PSMD1: variants seen among roughly 807,000 people sequenced by gnomAD.
The protein encoded by PSMD1 is 26S proteasome non-ATPase regulatory subunit 1.
A neutral mutation model predicts 119.0 loss-of-function variants in PSMD1; 18 were observed. The ratio of observed to expected loss-of-function variants is 0.15; its 90% CI spans 0.10 to 0.22. The LOEUF (loss-of-function observed/expected upper bound fraction) is 0.22. Among genes scored for constraint, PSMD1 ranks in the 10% least tolerant of loss-of-function variants. PSMD1 has a pLI of 1.00. For missense variants in PSMD1, 702 were observed against 1,158.5 expected (o/e 0.61, Z 5.72); for synonymous variants, 374 against 396.6 (o/e 0.94, Z 0.68).
intron 16 of PSMD1, chr2:231,109,195 A>G (rs754159866): frequency 4.3e-5 from 69 of 1,614,078 alleles, no homozygotes; most frequent in Middle Eastern, 3.3e-4. Flanking sequence ...TTAGGCGTTG[A>G]GGTGGCTTGT....
intron 7 of PSMD1, among the ~76,000 whole-genome samples, chr2:231,072,673 A>G (rs1189282439): frequency 6.6e-6 from 1 of 152,140 alleles, no homozygotes; most frequent in Non-Finnish European, 1.5e-5. Flanking sequence ...CATGTGTACT[A>G]TTTAATCAAG....
At chr2:231,130,714 G>A (rs990487614) in intron 16 of PSMD1, among the ~76,000 whole-genome samples, 3 of 152,148 alleles carry the variant, frequency 2.0e-5, no homozygotes, top group Non-Finnish European at 2.9e-5. Context: ...CTCCTGCCTC[G>A]ACTTCCCAGA....
At chr2:231,096,557 G>A (rs1262554582) in intron 16 of PSMD1, among the ~76,000 whole-genome samples, 2 of 152,196 alleles carry the variant, frequency 1.3e-5, no homozygotes, top group Admixed American at 6.5e-5. Context: ...GGGGAACCAC[G>A]GGTTATGGGA....
intron 16 of PSMD1, chr2:231,108,252 A>G (rs1274105941): frequency 2.6e-5 from 9 of 344,926 alleles, no homozygotes; most frequent in Admixed American, 4.5e-5. Context: ...CCTGAAATTT[A>G]TTGATTTGAC....
intron 16 of PSMD1, among the ~76,000 whole-genome samples, chr2:231,091,042 A>C (rs193012484): frequency 6.6e-6 from 1 of 152,174 alleles, no homozygotes; most frequent in Admixed American, 6.5e-5. Flanking sequence ...TAGATGAAAG[A>C]AGTTCTCAGA....
chr2:231,120,733 AC>A (rs1267576884), intron 16 of PSMD1, among the ~76,000 whole-genome samples: 1 of 152,184 alleles, frequency 6.6e-6, no homozygotes, highest in African/African-American at 2.4e-5. Context: ...TTTTTGTGTT[AC>A]TTTCATTGAA....
intron 16 of PSMD1, among the ~76,000 whole-genome samples, chr2:231,135,676 G>T (rs1345175650): frequency 2.6e-5 from 4 of 152,232 alleles, no homozygotes; most frequent in Middle Eastern, 3.4e-3. Flanking sequence ...GAAAACCCAA[G>T]TGATTTGTCT....
intron 19 of PSMD1, among the ~76,000 whole-genome samples, chr2:231,157,579 T>C (rs1696539712): frequency 6.9e-6 from 1 of 144,686 alleles, no homozygotes; most frequent in Non-Finnish European, 1.5e-5. Context: ...ATAAAAGTTC[T>C]TTTTTTTGGG....
intron 16 of PSMD1, among the ~76,000 whole-genome samples, chr2:231,099,243 G>T (rs548368466): frequency 7.2e-5 from 11 of 152,126 alleles, no homozygotes; most frequent in Non-Finnish European, 1.5e-4. Flanking sequence ...ACCAGATTGG[G>T]TTCTTCCCTA....
chr2:231,166,785 C>T (rs1696796544), intron 23 of PSMD1, among the ~76,000 whole-genome samples: 1 of 152,126 alleles, frequency 6.6e-6, no homozygotes, highest in African/African-American at 2.4e-5. Flanking sequence ...CAAGAGTAAA[C>T]TTATTCTTAT....
rs1193290695 is a variant in PSMD1, at chr2:231,098,126, C to T, written c.1883+10945C>T. On this transcript the variant is annotated intron_variant, in intron 16 of 24. Coordinates refer to ENST00000308696, the MANE Select transcript of PSMD1 (RefSeq NM_002807.4). The stretch of plus-strand genomic sequence containing the variant: ...GGACTGCTTTCTTCTGCTAGCAAAG[C>T]AGTTGCCACTACAGATTAAATGCAT... Among the ~76,000 whole-genome samples the T allele has an allele frequency of 2.0e-5, 3 of 152,228 alleles. No individual in the cohort carries two copies. In the East Asian group the frequency reaches 5.8e-4, roughly 29 times the overall value.
chr2:231,078,575 A>C, intron 9 of PSMD1, 84 bp from the exon 10 acceptor site: 2 of 913,236 alleles, frequency 2.2e-6, no homozygotes, highest in South Asian at 2.1e-5. Context: ...TTACCACAAA[A>C]TAGGACCTCT....
rs80139904 is a variant in PSMD1, at chr2:231,070,215, G to A, written c.654+47G>A. 2.7e-3 allele frequency: 3,607 copies of A among 1,359,404 alleles called. 80 individuals are homozygous for A. The African/African-American group carries it at 0.048, about 18-fold the overall frequency. 84.2% of individuals were successfully genotyped at this position (1,359,404 alleles called of 1,614,324 possible). ...TCATTACATTGCTCCACGCTGTACT[G>A]TGCTATGCTATACCACTTCACATTT... On this transcript the variant is annotated intron_variant, in intron 6 of 24. Transcript: ENST00000308696.
intron 8 of PSMD1, among the ~76,000 whole-genome samples, chr2:231,075,961 C>G (rs977444165): frequency 6.6e-6 from 1 of 152,084 alleles, no homozygotes; most frequent in Non-Finnish European, 1.5e-5. Flanking sequence ...TAAATTCTTT[C>G]AAGTATATAT....
At chr2:231,105,945 G>A (rs1301925800) in intron 16 of PSMD1, among the ~76,000 whole-genome samples, 46 of 126,934 alleles carry the variant, frequency 3.6e-4, no homozygotes, top group South Asian at 2.6e-4. Flanking sequence ...CTTACTTTTT[G>A]TCATTTTCAT....
rs1218723969 is a variant in PSMD1 at position 231,080,081 on chromosome 2, A to G, written c.1240-60A>G. On this transcript the variant is annotated intron_variant, in intron 11 of 24. Transcript: ENST00000308696. ...GGAAAAGGCAGTAATCATAGAAAAC[A>G]TTGTCTTTTTTCTTCTTACTTTCTC... The G allele has an allele frequency of 4.8e-6, 7 of 1,455,010 alleles. No homozygotes were observed. In the South Asian group the frequency reaches 5.3e-5, roughly 11 times the overall value. The allele number at this position is 1,455,010 out of a possible 1,614,324, so 90.1% of individuals were successfully genotyped here. A position where few individuals can be genotyped will look rare whatever the true frequency, so the allele number is the denominator to read the frequency against.
chr2:231,109,235 G>A (rs1326459974), intron 16 of PSMD1: 1 of 1,614,176 alleles, frequency 6.2e-7, no homozygotes, highest in African/African-American at 1.3e-5. Context: ...CTTCTGTAAA[G>A]CATGGATAGT....
chr2:231,090,533 T>G (rs917269302), intron 16 of PSMD1, among the ~76,000 whole-genome samples: 2 of 152,240 alleles, frequency 1.3e-5, no homozygotes, highest in Admixed American at 1.3e-4. Context: ...CACTCCATCC[T>G]GGGCGACAAA....
At chr2:231,159,364 C>T (rs1382659197) in intron 19 of PSMD1, among the ~76,000 whole-genome samples, 1 of 152,142 alleles carries the variant, frequency 6.6e-6, no homozygotes, top group Non-Finnish European at 1.5e-5. Flanking sequence ...CCATAGTCTA[C>T]TTTTAAAAAC....
Sources: gnomAD v4.1 joint callset for allele counts (sites outside exome capture counted in the v4.1 genomes callset) on GRCh38, gnomAD v4.1.1 for gene constraint, MANE v1.5 for transcripts, NCBI Gene and HGNC (gene_info 2026-07-23, HGNC 2026-07-21) for gene names.